The following CDIN1 variants were observed in gnomAD, a reference collection of about 807,000 sequenced individuals.
The protein encoded by CDIN1 is CDAN1-interacting nuclease 1.
CDIN1 carries 33 observed loss-of-function variants against 45.3 expected under a neutral mutation model. The ratio of observed to expected loss-of-function variants is 0.73; its 90% CI spans 0.55 to 0.97. CDIN1 has a LOEUF of 0.97. CDIN1 is among the 50% of genes least tolerant of loss of function. The pLI is 0.00. For missense variants in CDIN1, 303 were observed against 339.4 expected (o/e 0.89, Z 0.84); for synonymous variants, 118 against 124.4 (o/e 0.95, Z 0.34).
chr15:36,618,004 T>C (rs2038978883), intron 1 of CDIN1: 2 of 789,728 alleles, frequency 2.5e-6, no homozygotes. Context: ...CCCCAGTCTT[T>C]ATGCAGCCTG....
Position 36,617,058 on chromosome 15 carries a change from G to A in CDIN1, c.102-27220G>A, listed in dbSNP as rs142460428. 109 of 772,630 alleles carry A rather than the reference G, an allele frequency of 1.4e-4. No individual in the cohort carries two copies. The African/African-American group carries it at 1.6e-3, about 11-fold the overall frequency. 47.9% of individuals were successfully genotyped at this position (772,630 alleles called of 1,614,324 possible). A position where few individuals can be genotyped will look rare whatever the true frequency, so the allele number is the denominator to read the frequency against. ...CTGTGAGCCAGTTAGAGTTGCAGCT[G>A]TGGGAACGATTGGGCCGAGCAGAGG... On this transcript the variant is annotated intron_variant, in intron 1 of 10. Coordinates refer to ENST00000566621, the MANE Select transcript of CDIN1 (RefSeq NM_001321759.2).
At chr15:36,703,311 CAG>C (rs1460880908) in intron 8 of CDIN1, among the ~76,000 whole-genome samples, 54 of 125,690 alleles carry the variant, frequency 4.3e-4, no homozygotes, top group Admixed American at 5.7e-4. Flanking sequence ...ATAGATCTAT[CAG>C]ATATATACAT....
At chr15:36,614,688 A>G (rs779759711) in intron 1 of CDIN1, among the ~76,000 whole-genome samples, 2 of 152,190 alleles carry the variant, frequency 1.3e-5, no homozygotes, top group Non-Finnish European at 2.9e-5. Context: ...GAAAGACTGT[A>G]CTATGGGAAG....
intron 1 of CDIN1, among the ~76,000 whole-genome samples, chr15:36,589,435 G>T (rs1434872886): frequency 6.6e-6 from 1 of 151,796 alleles, no homozygotes; most frequent in Non-Finnish European, 1.5e-5. Flanking sequence ...TAAACAGTGA[G>T]CTGTATATAC....
At chr15:36,620,854 C>A (rs1482486255) in intron 1 of CDIN1, among the ~76,000 whole-genome samples, 4 of 152,162 alleles carry the variant, frequency 2.6e-5, no homozygotes, top group African/African-American at 9.6e-5. Flanking sequence ...TTCCTTTCCT[C>A]CTCTTCTTCC....
intron 1 of CDIN1, among the ~76,000 whole-genome samples, chr15:36,636,776 T>C (rs372329843): frequency 3.3e-5 from 5 of 152,326 alleles, no homozygotes; most frequent in East Asian, 3.9e-4. Context: ...TGTAGTGTTT[T>C]TATATTTTCC....
At chr15:36,598,357 T>G (rs1353747847) in intron 1 of CDIN1, among the ~76,000 whole-genome samples, 1 of 146,438 alleles carries the variant, frequency 6.8e-6, no homozygotes, top group Non-Finnish European at 1.5e-5. Context: ...TTAAACAAAA[T>G]AGTCCATTGG....
At chr15:36,755,464 A>G (rs1003881977) in intron 10 of CDIN1, among the ~76,000 whole-genome samples, 3 of 152,158 alleles carry the variant, frequency 2.0e-5, no homozygotes, top group Admixed American at 6.6e-5. Context: ...TAAAGTCCCA[A>G]TTAATGTCAC....
chr15:36,800,907 GTGTATATATA>G lies in CDIN1; in HGVS notation c.717-7415_717-7406del, dbSNP rs1334895663. 3.3e-3 allele frequency among the ~76,000 whole-genome samples: 103 copies of G among 31,608 alleles called. 1 individual carries two copies. The highest frequency in any genetic ancestry group is 9.3e-3 in the East Asian group (7 of 752). The allele number at this position is 31,608 out of a possible 152,430, so 20.7% of individuals were successfully genotyped here. Reference sequence around the variant, plus strand: ...TGTGTGTGTGTGTGTGTGTGTGTGTGTGTATATATATATATATATATATATATATATATAT... The same window carrying G: ...TGTGTGTGTGTGTGTGTGTGTGTGTGTATATATATATATATATATATATAT... On this transcript the variant is annotated intron_variant, in intron 10 of 10. Transcript: ENST00000566621.
At chr15:36,693,541 A>T (rs1405881329) in intron 7 of CDIN1, among the ~76,000 whole-genome samples, 1 of 152,204 alleles carries the variant, frequency 6.6e-6, no homozygotes, top group East Asian at 1.9e-4. Context: ...AAAGCACATA[A>T]AATAGTTAAA....
At chr15:36,617,725 A>G (rs1190656478) in intron 1 of CDIN1, 3 of 791,210 alleles carry the variant, frequency 3.8e-6, no homozygotes, top group Non-Finnish European at 6.9e-6. Context: ...ACACCAATAG[A>G]GGAAGTGAAA....
intron 5 of CDIN1, among the ~76,000 whole-genome samples, chr15:36,685,463 G>A (rs2042007217): frequency 6.6e-6 from 1 of 151,844 alleles, no homozygotes; most frequent in African/African-American, 2.4e-5. Flanking sequence ...TATAATTTCT[G>A]TTCTTTTACA....
chr15:36,806,591 C>T (rs2055233846), intron 10 of CDIN1, among the ~76,000 whole-genome samples: 1 of 152,064 alleles, frequency 6.6e-6, no homozygotes, highest in Admixed American at 6.6e-5. Context: ...CTGTCAAGGC[C>T]GTGACTCAGG....
Position 36,719,073 on chromosome 15 carries a change from T to A in CDIN1, c.716+9112T>A, listed in dbSNP as rs1206351706. 2.0e-5 allele frequency among the ~76,000 whole-genome samples: 3 copies of A among 151,346 alleles called. No homozygotes were observed. The South Asian group carries it at 6.3e-4, about 32-fold the overall frequency. ...ACCCTGTTTCTATTAAAAAAAAAAA[T>A]TAGCCAGGCATGGTGGCACACACTT... On this transcript the variant is annotated intron_variant, in intron 10 of 10. Transcript: ENST00000566621.
chr15:36,785,019 C>T (rs749621091), intron 10 of CDIN1, among the ~76,000 whole-genome samples: 1 of 152,086 alleles, frequency 6.6e-6, no homozygotes, highest in Non-Finnish European at 1.5e-5. Flanking sequence ...TCTGAATTAG[C>T]TAAGAGGTTG....
At chr15:36,751,197 T>G (rs1260885832) in intron 10 of CDIN1, among the ~76,000 whole-genome samples, 1 of 135,366 alleles carries the variant, frequency 7.4e-6, no homozygotes, top group Non-Finnish European at 1.6e-5. Context: ...TCATTCCATT[T>G]TTATTGATAA....
intron 5 of CDIN1, chr15:36,691,341 TAAC>T (rs1255566539): frequency 7.2e-6 from 2 of 276,432 alleles, no homozygotes. Context: ...GGTTATAAAA[TAAC>T]TACCTGCAAA....
intron 10 of CDIN1, among the ~76,000 whole-genome samples, chr15:36,777,334 CACTT>C (rs1000040825): frequency 5.3e-5 from 8 of 151,888 alleles, no homozygotes; most frequent in African/African-American, 1.9e-4. Context: ...CTACCAAACT[CACTT>C]GCTCATTTCA....
chr15:36,586,683 C>A (rs927354294), intron 1 of CDIN1, among the ~76,000 whole-genome samples: 1 of 152,148 alleles, frequency 6.6e-6, no homozygotes, highest in Non-Finnish European at 1.5e-5. Context: ...TTTGAAGTTA[C>A]AGTGCATTAT....
Sources: gnomAD v4.1 joint callset for allele counts (sites outside exome capture counted in the v4.1 genomes callset) on GRCh38, gnomAD v4.1.1 for gene constraint, MANE v1.5 for transcripts, NCBI Gene and HGNC (gene_info 2026-07-23, HGNC 2026-07-21) for gene names.